NLGN1: variants seen among roughly 807,000 people sequenced by gnomAD.
NLGN1 encodes the protein neuroligin 1.
Under a neutral mutation model 65.5 loss-of-function variants are expected in NLGN1, and 12 were observed. The observed-to-expected ratio is 0.18, with a 90% CI of 0.12 to 0.30. The LOEUF is 0.30. Ranked by LOEUF, NLGN1 falls within the 10% of genes least tolerant of loss-of-function variation. NLGN1 has a pLI of 1.00. For synonymous variants in NLGN1, 350 were observed against 359.5 expected (o/e 0.97, Z 0.30); for missense variants, 750 against 1,007.1 (o/e 0.74, Z 3.46).
At chr3:173,754,771 A>G (rs1201405170) in intron 3 of NLGN1, among the ~76,000 whole-genome samples, 2 of 152,188 alleles carry the variant, frequency 1.3e-5, no homozygotes, top group African/African-American at 4.8e-5. Context: ...ATCTGTACCT[A>G]CACTAATGTT....
chr3:174,131,882 A>G (rs79050058), intron 4 of NLGN1, among the ~76,000 whole-genome samples: 114 of 152,310 alleles, frequency 7.5e-4, no homozygotes, highest in African/African-American at 2.7e-3. Flanking sequence ...GCACTAGAAT[A>G]TAAAATCTCA....
chr3:173,917,494 C>T (rs1044561726), intron 4 of NLGN1, among the ~76,000 whole-genome samples: 15 of 152,248 alleles, frequency 9.9e-5, no homozygotes, highest in African/African-American at 3.6e-4. Flanking sequence ...AATACAGATA[C>T]TGATACTTTT....
chr3:173,843,092 G>T (rs1465504482), intron 4 of NLGN1, among the ~76,000 whole-genome samples: 1 of 152,166 alleles, frequency 6.6e-6, no homozygotes, highest in Non-Finnish European at 1.5e-5. Context: ...AGCTGCCAAG[G>T]CTTGAGGCTT....
chr3:173,774,097 GT>G (rs1194231896), intron 3 of NLGN1, among the ~76,000 whole-genome samples: 1 of 152,292 alleles, frequency 6.6e-6, no homozygotes, highest in East Asian at 1.9e-4. Flanking sequence ...AGTGGAGTCT[GT>G]TTTTTTATTT....
intron 4 of NLGN1, among the ~76,000 whole-genome samples, chr3:174,158,364 A>C (rs1318029248): frequency 6.6e-6 from 1 of 151,850 alleles, no homozygotes; most frequent in Non-Finnish European, 1.5e-5. Context: ...TTATGTGGAA[A>C]TAAAATATAA....
chr3:173,763,024 T>C (rs570625098), intron 3 of NLGN1, among the ~76,000 whole-genome samples: 1 of 149,030 alleles, frequency 6.7e-6, no homozygotes, highest in African/African-American at 2.5e-5. Flanking sequence ...TCATGAGGCA[T>C]ATGATTTCAT....
At chr3:173,506,832 G>T (rs894784591) in intron 2 of NLGN1, among the ~76,000 whole-genome samples, 4 of 152,110 alleles carry the variant, frequency 2.6e-5, no homozygotes, top group Non-Finnish European at 5.9e-5. Flanking sequence ...TTTCAGTTGT[G>T]TCAGTCATTG....
intron 4 of NLGN1, among the ~76,000 whole-genome samples, chr3:174,055,712 C>CA (rs1735910772): frequency 6.6e-6 from 1 of 151,998 alleles, no homozygotes; most frequent in South Asian, 2.1e-4. Context: ...GACACACAAG[C>CA]AACATGAAAC....
chr3:173,566,585 A>G (rs1743711545), intron 2 of NLGN1, among the ~76,000 whole-genome samples: 1 of 152,068 alleles, frequency 6.6e-6, no homozygotes, highest in Non-Finnish European at 1.5e-5. Context: ...CTTATCCTCC[A>G]TACTTAGTCT....
chr3:173,682,852 T>C (rs1211675328), intron 3 of NLGN1, among the ~76,000 whole-genome samples: 1 of 152,100 alleles, frequency 6.6e-6, no homozygotes, highest in Non-Finnish European at 1.5e-5. Context: ...TACTAGCAAA[T>C]CATGGATGTT....
At chr3:173,721,940 C>T (rs1399109580) in intron 3 of NLGN1, among the ~76,000 whole-genome samples, 3 of 14,898 alleles carry the variant, frequency 2.0e-4, no homozygotes, top group Non-Finnish European at 4.0e-4. Flanking sequence ...AATATCTGCT[C>T]GTAAAAAAAA....
intron 2 of NLGN1, among the ~76,000 whole-genome samples, chr3:173,463,644 A>G (rs144626688): frequency 6.6e-6 from 1 of 152,292 alleles, no homozygotes. Context: ...AAAGTGTGAT[A>G]AGAGGATCCC....
intron 4 of NLGN1, among the ~76,000 whole-genome samples, chr3:174,242,495 C>G (rs74282665): frequency 6.6e-6 from 1 of 152,152 alleles, no homozygotes; most frequent in South Asian, 2.1e-4. Flanking sequence ...GCTCACATTA[C>G]TGCCTGCGCT....
At chr3:173,900,640 A>T (rs1737174796) in intron 4 of NLGN1, among the ~76,000 whole-genome samples, 2 of 152,036 alleles carry the variant, frequency 1.3e-5, no homozygotes, top group Admixed American at 1.3e-4. Context: ...AATAGGCAAG[A>T]TTTACTTAAG....
intron 3 of NLGN1, among the ~76,000 whole-genome samples, chr3:173,680,250 A>C (rs1404641584): frequency 6.6e-6 from 1 of 152,124 alleles, no homozygotes; most frequent in Non-Finnish European, 1.5e-5. Context: ...GTGCTAATTT[A>C]TGTTAATATA....
intron 3 of NLGN1, among the ~76,000 whole-genome samples, chr3:173,800,593 T>A (rs992871735): frequency 6.6e-6 from 1 of 151,812 alleles, no homozygotes; most frequent in Non-Finnish European, 1.5e-5. Context: ...AGGGGCATTT[T>A]TTTTTTGTTT....
chr3:173,510,116 T>C (rs1317114810), intron 2 of NLGN1, among the ~76,000 whole-genome samples: 2 of 152,168 alleles, frequency 1.3e-5, no homozygotes, highest in African/African-American at 4.8e-5. Context: ...GTAAGGTGGA[T>C]TTAAATATCT....
chr3:173,407,416 G>T (rs1711514549), intron 1 of NLGN1, among the ~76,000 whole-genome samples: 1 of 152,160 alleles, frequency 6.6e-6, no homozygotes, highest in African/African-American at 2.4e-5. Context: ...GGTAGAGCTG[G>T]AACCTGATCT....
chr3:173,797,690 C>CAA (rs1484752949), intron 3 of NLGN1, among the ~76,000 whole-genome samples: 1 of 50,798 alleles, frequency 2.0e-5, no homozygotes, highest in African/African-American at 6.4e-5. Context: ...AAAACAACAA[C>CAA]AACAACAACA....
Sources: gnomAD v4.1 joint callset for allele counts (sites outside exome capture counted in the v4.1 genomes callset) on GRCh38, gnomAD v4.1.1 for gene constraint, MANE v1.5 for transcripts, NCBI Gene and HGNC (gene_info 2026-07-23, HGNC 2026-07-21) for gene names.